ARSB: variants seen among roughly 807,000 people sequenced by gnomAD.
The protein encoded by ARSB is arylsulfatase B.
ARSB carries 41 observed loss-of-function variants against 50.9 expected under a neutral mutation model. That is an observed-to-expected ratio of 0.81 (90% CI 0.63 to 1.04). The LOEUF (loss-of-function observed/expected upper bound fraction) is 1.04, where lower values mean the gene tolerates loss of function less well. Among genes scored for constraint, ARSB ranks in the 50% least tolerant of loss-of-function variants. The pLI, the probability that ARSB is intolerant of heterozygous loss-of-function variation, is 0.00. For synonymous variants in ARSB, 269 were observed against 284.8 expected, an observed-to-expected ratio of 0.94 and a Z score of 0.56; for missense variants, 672 against 693.3, an observed-to-expected ratio of 0.97 and a Z score of 0.35.
chr5:78,969,369 G>A (rs1752349102), intron 1 of ARSB, among the ~76,000 whole-genome samples, 177 bp from the exon 2 acceptor site: 1 of 152,094 alleles, frequency 6.6e-6, no homozygotes, highest in Non-Finnish European at 1.5e-5. Flanking sequence ...ATGAAGTAGT[G>A]GACATAAACA....
At chr5:78,926,740 G>A (rs988719425) in intron 4 of ARSB, among the ~76,000 whole-genome samples, 2 of 152,004 alleles carry the variant, frequency 1.3e-5, no homozygotes, top group East Asian at 3.9e-4. Flanking sequence ...AATAATCCCT[G>A]GAGAACTCTC....
intron 5 of ARSB, among the ~76,000 whole-genome samples, chr5:78,842,813 G>A (rs1159740342): frequency 8.5e-6 from 1 of 117,300 alleles, no homozygotes; most frequent in African/African-American, 2.9e-5. Flanking sequence ...GTTTTCCATT[G>A]TTGTCTCACT....
intron 4 of ARSB, among the ~76,000 whole-genome samples, chr5:78,904,143 G>C (rs1253803396): frequency 6.6e-6 from 1 of 152,206 alleles, no homozygotes; most frequent in East Asian, 1.9e-4. Flanking sequence ...TAATGCATTT[G>C]TGATTCATCC....
chr5:78,954,904 T>C (rs933716772), intron 4 of ARSB, among the ~76,000 whole-genome samples: 5 of 152,198 alleles, frequency 3.3e-5, no homozygotes, highest in African/African-American at 1.2e-4. Flanking sequence ...AATCTGTCTC[T>C]TTGCAGTGAT....
chr5:78,893,631 T>C (rs142053740), intron 4 of ARSB, among the ~76,000 whole-genome samples: 381 of 152,352 alleles, frequency 2.5e-3, no homozygotes, highest in African/African-American at 8.8e-3. Flanking sequence ...TTATTACATA[T>C]TGGCAAGCAA....
At chr5:78,841,486 AC>A (rs1260944159) in intron 5 of ARSB, among the ~76,000 whole-genome samples, 1 of 152,156 alleles carries the variant, frequency 6.6e-6, no homozygotes, top group African/African-American at 2.4e-5. Flanking sequence ...GCTAAGTAAA[AC>A]TTTTGTGTTA....
At chr5:78,892,492 G>C (rs1371866248) in intron 4 of ARSB, among the ~76,000 whole-genome samples, 1 of 152,006 alleles carries the variant, frequency 6.6e-6, no homozygotes, top group African/African-American at 2.4e-5. Context: ...CAGACCTCAG[G>C]TGATTCATCC....
chr5:78,945,902 G>A (rs1037064979), intron 4 of ARSB, among the ~76,000 whole-genome samples: 5 of 152,224 alleles, frequency 3.3e-5, no homozygotes, highest in Admixed American at 3.3e-4. Context: ...CCACACCCTG[G>A]GCTCTGAGAG....
chr5:78,815,554 G>A lies in ARSB; in HGVS notation c.1213+23802C>T. 2.0e-6 allele frequency: 2 copies of A among 986,694 alleles called. 1 individual carries two copies. Among genetic ancestry groups the A allele is most frequent in the African/African-American group, 3.5e-5 (2 of 56,568 alleles). 61.1% of individuals were successfully genotyped at this position (986,694 alleles called of 1,614,324 possible). A position where few individuals can be genotyped will look rare whatever the true frequency, so the allele number is the denominator to read the frequency against. The stretch of plus-strand genomic sequence containing the variant: ...AGCCTGTCAAAAAAGGTGGAGGAAA[G>A]CATCTGGGCCTACATTTTCCTGAAG... On this transcript the variant is annotated intron_variant, in intron 6 of 7. Transcript: ENST00000264914.
At chr5:78,939,809 GC>G (rs1164633309) in intron 4 of ARSB, among the ~76,000 whole-genome samples, 1 of 152,100 alleles carries the variant, frequency 6.6e-6, no homozygotes, top group African/African-American at 2.4e-5. Context: ...TAATGGGATG[GC>G]TGGGTCAAAT....
chr5:78,952,857 T>G (rs1751547439), intron 4 of ARSB, among the ~76,000 whole-genome samples: 1 of 152,188 alleles, frequency 6.6e-6, no homozygotes, highest in Admixed American at 6.5e-5. Flanking sequence ...GACTTCCAAT[T>G]CTTGCAACAA....
intron 1 of ARSB, among the ~76,000 whole-genome samples, chr5:78,969,880 A>G (rs574917658): frequency 2.0e-4 from 30 of 152,304 alleles, no homozygotes; most frequent in African/African-American, 7.0e-4. Flanking sequence ...TGGCCTCCCA[A>G]TGTGTTGGGA....
intron 4 of ARSB, among the ~76,000 whole-genome samples, chr5:78,893,505 A>C (rs1171808871): frequency 2.0e-5 from 3 of 152,226 alleles, no homozygotes; most frequent in Admixed American, 1.3e-4. Flanking sequence ...ATGGGGTTTT[A>C]TCTCTCCTTT....
At chr5:78,812,733 C>A (rs1176028622) in intron 6 of ARSB, among the ~76,000 whole-genome samples, 1 of 152,124 alleles carries the variant, frequency 6.6e-6, no homozygotes. Context: ...TGGCTCATGC[C>A]TGTAATCCCA....
chr5:78,946,006 T>C (rs1751212523), intron 4 of ARSB, among the ~76,000 whole-genome samples: 1 of 152,144 alleles, frequency 6.6e-6, no homozygotes, highest in South Asian at 2.1e-4. Context: ...TTCACTAGAG[T>C]GTGAGTTTCC....
At chr5:78,820,244 A>T (rs1311074910) in intron 6 of ARSB, among the ~76,000 whole-genome samples, 1 of 152,222 alleles carries the variant, frequency 6.6e-6, no homozygotes, top group African/African-American at 2.4e-5. Context: ...AAGTTTTATT[A>T]TTTATAAATT....
chr5:78,808,578 C>T (rs1224584310), intron 6 of ARSB, among the ~76,000 whole-genome samples: 1 of 152,160 alleles, frequency 6.6e-6, no homozygotes, highest in Non-Finnish European at 1.5e-5. Context: ...TCAGCATGCT[C>T]TCCGGGCACA....
intron 6 of ARSB, among the ~76,000 whole-genome samples, chr5:78,812,534 C>T (rs1463830865): frequency 6.6e-6 from 1 of 150,642 alleles, no homozygotes; most frequent in Non-Finnish European, 1.5e-5. Flanking sequence ...TAAAATGACC[C>T]CAAATATTTG....
intron 6 of ARSB, among the ~76,000 whole-genome samples, chr5:78,838,655 G>T (rs1303842440): frequency 6.6e-6 from 1 of 152,218 alleles, no homozygotes; most frequent in Non-Finnish European, 1.5e-5. Flanking sequence ...GATGAAAGCT[G>T]GGCAAAGGGT....
Sources: gnomAD v4.1 joint callset for allele counts (sites outside exome capture counted in the v4.1 genomes callset) on GRCh38, gnomAD v4.1.1 for gene constraint, MANE v1.5 for transcripts, NCBI Gene and HGNC (gene_info 2026-07-23, HGNC 2026-07-21) for gene names.